Variants in FILIP1 observed in about 807,000 individuals in gnomAD.
FILIP1 encodes the protein filamin-A-interacting protein 1.
In FILIP1, 61 loss-of-function variants were observed where a neutral mutation model predicts 102.1. That is an observed-to-expected ratio of 0.60 (90% CI 0.49 to 0.74). The LOEUF is 0.74. FILIP1 is among the 30% of genes least tolerant of loss of function. FILIP1 has a pLI of 0.00. For missense variants in FILIP1, 1,314 were observed against 1,441.2 expected, an observed-to-expected ratio of 0.91 and a Z score of 1.43; for synonymous variants, 491 against 526.9, an observed-to-expected ratio of 0.93 and a Z score of 0.93.
Position 75,315,088 on chromosome 6 carries a change from G to T in FILIP1, c.744C>A (p.Leu248=). The change falls in exon 5 of 6, where the codon CTC becomes CTA. Residue 248 remains leucine (L), a synonymous_variant. Coordinates refer to ENST00000237172, the MANE Select transcript of FILIP1 (RefSeq NM_015687.5). ...DELVKLKSFA[L]MLVDERQMHI... is the part of the protein sequence containing the mutation. ...GCATTTGTCTTTCATCCACCAGCAT[G>T]AGTGCAAAGGATTTGAGTTTAACAA... The T allele has an allele frequency of 6.2e-7, 1 of 1,613,822 alleles. No homozygotes were observed. The highest frequency in any genetic ancestry group is 8.5e-7 in the Non-Finnish European group (1 of 1,179,908).
At chr6:75,436,472 G>A (rs945308778) in intron 1 of FILIP1, among the ~76,000 whole-genome samples, 1 of 152,128 alleles carries the variant, frequency 6.6e-6, no homozygotes, top group Admixed American at 6.5e-5. Flanking sequence ...AGGAACAGGA[G>A]ATCTAGTGGG....
intron 4 of FILIP1, among the ~76,000 whole-genome samples, chr6:75,335,688 C>T (rs1424060932): frequency 3.3e-5 from 5 of 151,986 alleles, no homozygotes; most frequent in African/African-American, 7.3e-5. Context: ...AATAAAAGCA[C>T]GATACCAGAT....
chr6:75,358,618 G>A (rs547158554), intron 3 of FILIP1: 1 of 152,354 alleles, frequency 6.6e-6, no homozygotes, highest in African/African-American at 2.4e-5. Flanking sequence ...CGAAATCTGG[G>A]AAGATCAGGG....
chr6:75,359,181 T>A (rs1040006750), intron 3 of FILIP1, among the ~76,000 whole-genome samples: 12 of 152,210 alleles, frequency 7.9e-5, no homozygotes, highest in African/African-American at 2.9e-4. Flanking sequence ...AAGTTTTGTA[T>A]TTTTAGTAGA....
At chr6:75,330,640 A>T (rs1774048836) in intron 4 of FILIP1, among the ~76,000 whole-genome samples, 1 of 152,234 alleles carries the variant, frequency 6.6e-6, no homozygotes, top group Non-Finnish European at 1.5e-5. Context: ...ATTTTAAGCT[A>T]TAAAACTATT....
intron 4 of FILIP1, among the ~76,000 whole-genome samples, chr6:75,329,062 A>T (rs1773975829): frequency 6.6e-6 from 1 of 152,198 alleles, no homozygotes; most frequent in African/African-American, 2.4e-5. Flanking sequence ...TATTCCACAG[A>T]TACTTGTTAA....
chr6:75,314,682 G>A lies in FILIP1; in HGVS notation c.1150C>T (p.Arg384Ter), dbSNP rs753556981. The change falls in exon 5 of 6, where the codon CGA becomes TGA. Residue 384 changes from arginine (R) to a stop codon, truncating the protein, a stop_gained. Transcript: ENST00000237172. LOFTEE classifies it high-confidence loss of function. ...CCTTCCATTTCAAGCACACGCTTTC[G>A]AAGATTTTCCACTTCTGCCATGAGG... is the stretch of plus-strand genomic sequence containing the variant. Reference protein sequence around the residue: ...SSLMAEVENLRKRVLEMEGKD... With the variant: ...SSLMAEVENL 7.4e-6 allele frequency: 12 copies of A among 1,613,756 alleles called. No individual in the cohort carries two copies. Among genetic ancestry groups the A allele is most frequent in the African/African-American group, 1.3e-5 (1 of 74,974 alleles).
intron 3 of FILIP1, 79 bp from the exon 4 acceptor site, chr6:75,353,796 C>T (rs1774895069): frequency 7.1e-7 from 1 of 1,409,486 alleles, no homozygotes; most frequent in South Asian, 1.3e-5. Context: ...TGACATGGGT[C>T]TAGTGACTTA....
chr6:75,339,231 G>T (rs915316146), intron 4 of FILIP1, among the ~76,000 whole-genome samples: 2 of 152,170 alleles, frequency 1.3e-5, no homozygotes, highest in African/African-American at 4.8e-5. Context: ...TAACTGGACT[G>T]TTTATTATTT....
At chr6:75,350,721 A>AG (rs921968154) in intron 4 of FILIP1, among the ~76,000 whole-genome samples, 9 of 152,224 alleles carry the variant, frequency 5.9e-5, no homozygotes, top group Non-Finnish European at 1.3e-4. Flanking sequence ...CCGCCTACAC[A>AG]CTTTTATTAA....
intron 2 of FILIP1, among the ~76,000 whole-genome samples, chr6:75,412,139 G>A (rs999400898): frequency 3.9e-5 from 6 of 152,092 alleles, no homozygotes; most frequent in Non-Finnish European, 4.4e-5. Flanking sequence ...CACATCCCTT[G>A]TAAGTTGTAT....
chr6:75,331,356 T>A (rs5008484), intron 4 of FILIP1, among the ~76,000 whole-genome samples: 101,394 of 151,436 alleles, frequency 0.67, 34,088 homozygotes, highest in Middle Eastern at 0.74. Flanking sequence ...GGGAACTCTC[T>A]GATTACACAC....
At chr6:75,372,627 AAGAAAG>A in intron 2 of FILIP1, among the ~76,000 whole-genome samples, 1 of 48,278 alleles carries the variant, frequency 2.1e-5, no homozygotes, top group African/African-American at 1.2e-4. Context: ...AAGAAAAAGA[AAGAAAG>A]AAAGAAAGAA....
intron 1 of FILIP1, among the ~76,000 whole-genome samples, chr6:75,441,594 C>T (rs1294236884): frequency 6.6e-6 from 1 of 150,502 alleles, no homozygotes; most frequent in African/African-American, 2.5e-5. Context: ...GACGGGGCGG[C>T]TGGCCGGGCA....
intron 3 of FILIP1, chr6:75,358,172 A>G (rs1001576197): frequency 4.6e-5 from 7 of 152,224 alleles, no homozygotes; most frequent in Non-Finnish European, 1.0e-4. Flanking sequence ...AAATTTCAGT[A>G]TGTTTTAGAT....
At chr6:75,453,022 G>C (rs1778688885) in intron 1 of FILIP1, among the ~76,000 whole-genome samples, 1 of 152,154 alleles carries the variant, frequency 6.6e-6, no homozygotes, top group Admixed American at 6.5e-5. Context: ...AGTGTTCGCT[G>C]TAATTTCCAG....
chr6:75,391,035 T>G (rs958987319), intron 2 of FILIP1, among the ~76,000 whole-genome samples: 1 of 152,128 alleles, frequency 6.6e-6, no homozygotes, highest in Non-Finnish European at 1.5e-5. Flanking sequence ...TACAACTATC[T>G]GTAATTTCAG....
At position 75,313,388 on chromosome 6, in the gene FILIP1, G is replaced by T; in HGVS notation, c.2444C>A (p.Ala815Glu). 6.2e-7 allele frequency: 1 copy of T among 1,614,126 alleles called. No individual in the cohort carries two copies. The highest frequency in any genetic ancestry group is 1.1e-5 in the South Asian group (1 of 91,080). Residue 815 changes from alanine to glutamate, a missense_variant, in exon 5 of 6, where the codon GCA becomes GAA. By Grantham distance (107) the Ala-to-Glu change is moderately radical (BLOSUM62 -1). This residue lies in a region of FILIP1 where 816 missense variants were observed against 913.1 expected (regional missense o/e 0.89). Transcript: ENST00000237172. The surrounding 1 kb of genome is among the most constrained non-coding windows in gnomAD (Gnocchi z 4.2). ...VQTDAVSGEA[A>E]EEETPAVFIR... ...GAATACAGCTGGCGTTTCTTCCTCT[G>T]CTGCTTCACCGCTGACTGCATCAGT...
chr6:75,342,722 T>C (rs879851474), intron 4 of FILIP1, among the ~76,000 whole-genome samples: 4 of 152,196 alleles, frequency 2.6e-5, no homozygotes, highest in Non-Finnish European at 5.9e-5. Flanking sequence ...CTGATCTCAG[T>C]TGCCAATCTG....
Sources: gnomAD v4.1 joint callset for allele counts (sites outside exome capture counted in the v4.1 genomes callset) on GRCh38, gnomAD v4.1.1 for gene constraint, gnomAD v4.1.1 regional missense constraint, Gnocchi (gnomAD v3.1) non-coding constraint, MANE v1.5 for transcripts, NCBI Gene and HGNC (gene_info 2026-07-23, HGNC 2026-07-21) for gene names.